ZNF385D: variants seen among roughly 807,000 people sequenced by gnomAD.
ZNF385D encodes the protein zinc finger protein 385D.
A neutral mutation model predicts 35.8 loss-of-function variants in ZNF385D; 15 were observed. The ratio of observed to expected loss-of-function variants is 0.42; its 90% CI spans 0.28 to 0.64. The LOEUF (loss-of-function observed/expected upper bound fraction) is 0.64, where lower values mean the gene tolerates loss of function less well. Ranked by LOEUF, ZNF385D falls within the 30% of genes least tolerant of loss-of-function variation. The probability of loss-of-function intolerance (pLI) is 0.23; values close to 1 mark genes in which losing one functional copy is unlikely to be tolerated. For synonymous variants in ZNF385D, 212 were observed against 186.8 expected (o/e 1.13, Z -1.10); for missense variants, 474 against 494.6 (o/e 0.96, Z 0.39).
intron 3 of ZNF385D, among the ~76,000 whole-genome samples, chr3:22,083,917 G>A (rs1246441746): frequency 1.3e-5 from 2 of 152,128 alleles, no homozygotes; most frequent in Non-Finnish European, 2.9e-5. Context: ...AAGAGAGTGG[G>A]GGCCAATATT....
chr3:21,703,830 C>CT (rs2067793292), intron 1 of ZNF385D, among the ~76,000 whole-genome samples: 1 of 152,056 alleles, frequency 6.6e-6, no homozygotes, highest in Non-Finnish European at 1.5e-5. Flanking sequence ...AGGCACTTAC[C>CT]TAGCAATAGC....
upstream of ZNF385D, chr3:21,751,374 C>G (rs1416945663): frequency 7.8e-6 from 8 of 1,024,032 alleles, no homozygotes; most frequent in Non-Finnish European, 9.4e-6. Flanking sequence ...GCGGGAGGCT[C>G]TCTTAAAGCG....
At chr3:21,982,979 G>C (rs943507910) in intron 3 of ZNF385D, among the ~76,000 whole-genome samples, 1 of 151,950 alleles carries the variant, frequency 6.6e-6, no homozygotes, top group Non-Finnish European at 1.5e-5. Flanking sequence ...ATGTGCTGCT[G>C]AATTTGGTTT....
intron 3 of ZNF385D, among the ~76,000 whole-genome samples, chr3:21,976,030 G>C (rs749979489): frequency 6.6e-6 from 1 of 152,072 alleles, no homozygotes; most frequent in African/African-American, 2.4e-5. Context: ...AATGGCCCTA[G>C]CAAACACTCA....
chr3:21,914,824 T>C, intron 3 of ZNF385D, among the ~76,000 whole-genome samples: 1 of 151,996 alleles, frequency 6.6e-6, no homozygotes, highest in African/African-American at 2.4e-5. Context: ...AAGTCTTTAT[T>C]TTACCAAGAG....
At chr3:22,139,016 C>T (rs1420271105) in intron 3 of ZNF385D, among the ~76,000 whole-genome samples, 2 of 152,150 alleles carry the variant, frequency 1.3e-5, no homozygotes, top group Non-Finnish European at 2.9e-5. Context: ...AGGATATGAA[C>T]AGACACTTCT....
chr3:22,151,063 A>G lies in ZNF385D; in HGVS notation c.325+17754T>C, dbSNP rs185365559. ...TCTTCTTTTTTAGATTCACTAGTGC[A>G]ATGTGTTCAACATGAACATGATTTG... On this transcript the variant is annotated intron_variant, in intron 3 of 5. Coordinates refer to the ZNF385D transcript ENST00000494108. 2.6e-4 allele frequency among the ~76,000 whole-genome samples: 39 copies of G among 152,318 alleles called. No homozygotes were observed. The East Asian group carries it at 6.6e-3, about 26-fold the overall frequency.
intron 3 of ZNF385D, among the ~76,000 whole-genome samples, chr3:21,933,521 T>C (rs1460852196): frequency 6.6e-6 from 1 of 152,184 alleles, no homozygotes; most frequent in Admixed American, 6.5e-5. Flanking sequence ...TACCTGAGCA[T>C]CTCAGGACCA....
At chr3:21,781,181 TA>T (rs2071475008) in intron 3 of ZNF385D, among the ~76,000 whole-genome samples, 1 of 151,090 alleles carries the variant, frequency 6.6e-6, no homozygotes, top group Non-Finnish European at 1.5e-5. Flanking sequence ...AAGACAAATG[TA>T]AATCTGGAAA....
At chr3:22,131,291 G>C (rs996287230) in intron 3 of ZNF385D, among the ~76,000 whole-genome samples, 1 of 152,026 alleles carries the variant, frequency 6.6e-6, no homozygotes, top group Admixed American at 6.6e-5. Flanking sequence ...GGATTTAGCA[G>C]CATGAAGTCA....
At chr3:21,767,478 T>C (rs1206633531) in intron 3 of ZNF385D, among the ~76,000 whole-genome samples, 1 of 152,092 alleles carries the variant, frequency 6.6e-6, no homozygotes, top group Non-Finnish European at 1.5e-5. Flanking sequence ...TTACCAATAA[T>C]ACCATTTGTT....
chr3:21,857,860 A>G (rs554704940), intron 3 of ZNF385D, among the ~76,000 whole-genome samples: 8 of 152,014 alleles, frequency 5.3e-5, no homozygotes, highest in African/African-American at 1.9e-4. Flanking sequence ...ACAACTGGAG[A>G]ACAATCAGCA....
At chr3:21,522,498 C>T (rs973459101) in intron 3 of ZNF385D, among the ~76,000 whole-genome samples, 8 of 152,174 alleles carry the variant, frequency 5.3e-5, no homozygotes, top group Admixed American at 4.6e-4. Flanking sequence ...TGCCACCACA[C>T]CCAGCTAATT....
chr3:22,015,666 G>T (rs1354319800), intron 3 of ZNF385D, among the ~76,000 whole-genome samples: 1 of 152,052 alleles, frequency 6.6e-6, no homozygotes, highest in Non-Finnish European at 1.5e-5. Context: ...AACAACAATG[G>T]CTTTATTACG....
At chr3:21,992,408 CCGTTTCTGTG>C (rs1695202989) in intron 3 of ZNF385D, among the ~76,000 whole-genome samples, 1 of 152,032 alleles carries the variant, frequency 6.6e-6, no homozygotes, top group Admixed American at 6.6e-5. Flanking sequence ...GGTAGAATAA[CCGTTTCTGTG>C]AGTTAGAAGC....
intron 3 of ZNF385D, among the ~76,000 whole-genome samples, chr3:22,099,672 T>C (rs867589373): frequency 3.3e-5 from 5 of 151,954 alleles, no homozygotes; most frequent in Admixed American, 2.6e-4. Flanking sequence ...TAGGTAGTCA[T>C]CCTGGACTTG....
At chr3:22,299,110 T>G (rs534299840) in intron 2 of ZNF385D, among the ~76,000 whole-genome samples, 6 of 152,054 alleles carry the variant, frequency 3.9e-5, no homozygotes, top group Non-Finnish European at 8.8e-5. Flanking sequence ...CAAGTTGCTT[T>G]CAGGTTTCAC....
At chr3:21,877,726 T>A (rs1452659971) in intron 3 of ZNF385D, 1 of 152,014 alleles carries the variant, frequency 6.6e-6, no homozygotes, top group Non-Finnish European at 1.5e-5. Flanking sequence ...AGAATTGGGA[T>A]TTGTAATGGA....
At chr3:21,850,980 T>G (rs535618389) in intron 3 of ZNF385D, among the ~76,000 whole-genome samples, 1 of 151,910 alleles carries the variant, frequency 6.6e-6, no homozygotes, top group East Asian at 1.9e-4. Context: ...ATAATTAACA[T>G]GTAAAGAAGC....
Sources: allele counts gnomAD v4.1 joint callset (sites outside exome capture counted in the v4.1 genomes callset), GRCh38; gene constraint gnomAD v4.1.1; transcripts MANE v1.5; gene names NCBI Gene and HGNC (gene_info 2026-07-23, HGNC 2026-07-21).